Variants in GOLGA2 observed in about 807,000 individuals in gnomAD.
The protein encoded by GOLGA2 is golgin subfamily A member 2.
Under a neutral mutation model 148.8 loss-of-function variants are expected in GOLGA2, and 49 were observed. That is an observed-to-expected ratio of 0.33 (90% confidence interval 0.26 to 0.42). GOLGA2 has a LOEUF of 0.42. Among genes scored for constraint, GOLGA2 ranks in the 10% least tolerant of loss-of-function variants. The pLI is 1.00. For synonymous variants in GOLGA2, 501 were observed against 511.8 expected (o/e 0.98, Z 0.28); for missense variants, 1,178 against 1,304.6 (o/e 0.90, Z 1.49).
chr9:128,275,893 C>A lies in GOLGA2; in HGVS notation c.84G>T (p.Lys28Asn). The change falls in exon 1 of 27, where the codon AAG (lysine) becomes AAT (asparagine). Residue 28 changes from lysine to asparagine, a missense_variant and splice_region_variant. Transcript: ENST00000611957. ...RQSKLAAAKK[K>N]LREYQQRNSP... ...GGGGCCGCGACCCGGTGCACTTTACCTTTTTCTTCGCTGCGGCCAATTTGC... is the reference window on the plus strand; with the variant it reads ...GGGGCCGCGACCCGGTGCACTTTACATTTTTCTTCGCTGCGGCCAATTTGC... 6.4e-7 allele frequency: 1 copy of A among 1,552,318 alleles called. No homozygotes were observed. Among genetic ancestry groups the A allele is most frequent in the Non-Finnish European group, 8.7e-7 (1 of 1,143,248 alleles).
rs548779496 is a variant in GOLGA2, at chr9:128,262,252, G to A, written c.1134+311C>T. On this transcript the variant is annotated intron_variant, in intron 14 of 26. Transcript: ENST00000611957. ...AAAGTGTTGGCTTGAACCTCAGAAGGAAATAAACAGACTCATGAGCTAGCC... is the reference window on the plus strand; with the variant it reads ...AAAGTGTTGGCTTGAACCTCAGAAGAAAATAAACAGACTCATGAGCTAGCC... 4.6e-5 allele frequency among the ~76,000 whole-genome samples: 7 copies of A among 150,970 alleles called. No individual in the cohort carries two copies. The South Asian group carries it at 1.0e-3, about 23-fold the overall frequency.
At position 128,260,268 on chromosome 9, in the gene GOLGA2, A is replaced by T; in HGVS notation, c.1759-79T>A. The T allele has an allele frequency of 8.0e-7, 1 of 1,253,626 alleles. No individual in the cohort carries two copies. The highest frequency in any genetic ancestry group is 1.2e-6 in the Non-Finnish European group (1 of 863,830). The allele number at this position is 1,253,626 out of a possible 1,614,324, so 77.7% of individuals were successfully genotyped here. A position where few individuals can be genotyped will look rare whatever the true frequency, so the allele number is the denominator to read the frequency against. ...CTTGCTGCCTTGGTGTCTGCCTCCCATGGCACCGGGAAGGGTGGAGGCAGG... is the reference window on the plus strand; with the variant it reads ...CTTGCTGCCTTGGTGTCTGCCTCCCTTGGCACCGGGAAGGGTGGAGGCAGG... On this transcript the variant is annotated intron_variant, in intron 18 of 26. Transcript: ENST00000611957. This position sits in a 1 kb window ranked among gnomAD's most constrained non-coding sequence, Gnocchi z 4.8.
At chr9:128,263,549 C>T (rs1830404659) in intron 12 of GOLGA2, among the ~76,000 whole-genome samples, 1 of 152,108 alleles carries the variant, frequency 6.6e-6, no homozygotes, top group South Asian at 2.1e-4. Context: ...TCCTAAGTAG[C>T]TGGGACTACA....
Position 128,257,227 on chromosome 9 carries a change from C to G in GOLGA2, c.2930G>C (p.Arg977Thr). ...GGGGTTGTCACGGGGAGAACCCTCC[C>G]TGGCCTCTCCTTGGGCAGGCTCCAC... ...GSVEPAQGEA[R>T]EGSPRDNPTA... is the part of the protein sequence containing the mutation. Residue 977 changes from arginine (R) to threonine (T), a missense_variant, in exon 27 of 27, where the codon AGG (arginine) becomes ACG (threonine). Physicochemically the swap from Arg to Thr is moderately conservative, Grantham distance 71 (BLOSUM62 -1). This residue lies in a region of GOLGA2 where 149 missense variants were observed against 154.9 expected (regional missense o/e 0.96). Coordinates refer to ENST00000611957, the MANE Select transcript of GOLGA2 (RefSeq NM_001366244.2). This position sits in a 1 kb window ranked among gnomAD's most constrained non-coding sequence, Gnocchi z 8.0. 6.2e-7 allele frequency: 1 copy of G among 1,613,794 alleles called. No homozygotes were observed. Among genetic ancestry groups the G allele is most frequent in the South Asian group, 1.1e-5 (1 of 91,068 alleles).
At position 128,266,175 on chromosome 9, in the gene GOLGA2, G is replaced by A. The variant is rs947589145; in HGVS notation, c.681+112C>T. ...TGGGGATGGGGTGGAATCTGGGGGG[G>A]TGAGCCTTCTTCCCCAGGCTGGGAG... On this transcript the variant is annotated intron_variant, in intron 9 of 26. Transcript: ENST00000611957. The surrounding 1 kb of genome is among the most constrained non-coding windows in gnomAD (Gnocchi z 4.2). 26 of 1,366,920 alleles carry A rather than the reference G, an allele frequency of 1.9e-5. No individual in the cohort carries two copies. The highest frequency in any genetic ancestry group is 2.4e-5 in the Non-Finnish European group (23 of 955,944). The allele number at this position is 1,366,920 out of a possible 1,614,324, so 84.7% of individuals were successfully genotyped here.
In GOLGA2 at chr9:128,257,875, G is replaced by A. The variant is rs1829988049; in HGVS notation, c.2526C>T (p.Leu842=). 1.9e-5 allele frequency: 31 copies of A among 1,614,032 alleles called. No homozygotes were observed. Among genetic ancestry groups the A allele is most frequent in the Non-Finnish European group, 2.5e-5 (30 of 1,179,922 alleles). Residue 842 remains leucine, a synonymous_variant, in exon 24 of 27, where the codon CTC becomes CTT. Transcript: ENST00000611957. This position sits in a 1 kb window ranked among gnomAD's most constrained non-coding sequence, Gnocchi z 8.0. ...MEKLQSRFME[L]MQEKADLKER... is the part of the protein sequence containing the mutation. ...CCTTCAGGTCTGCCTTCTCCTGCAT[G>A]AGCTCCATAAAGCGGCTCTGGAACC...
intron 19 of GOLGA2, among the ~76,000 whole-genome samples, chr9:128,259,825 C>T (rs115570177): frequency 0.02 from 3,075 of 152,292 alleles, 76 homozygotes; most frequent in African/African-American, 0.07. Context: ...CCTCTTATGC[C>T]GCTGTCTCTT....
intron 1 of GOLGA2, chr9:128,275,633 G>C: frequency 2.9e-6 from 2 of 698,802 alleles, no homozygotes; most frequent in Non-Finnish European, 4.5e-6. Context: ...GGACTTCGGG[G>C]GGCAGGAGGT....
In GOLGA2 at chr9:128,263,039, C is replaced by G; in HGVS notation, c.987G>C (p.Lys329Asn). The G allele has an allele frequency of 5.0e-6, 8 of 1,604,762 alleles. No individual in the cohort carries two copies. Among genetic ancestry groups the G allele is most frequent in the Non-Finnish European group, 6.8e-6 (8 of 1,172,056 alleles). Reference protein sequence around the residue: ...ERDALRLELYKNTQSNEDLKQ... With the variant: ...ERDALRLELYNNTQSNEDLKQ... ...CCCACCATCCCCCATCCTACGTGTT[C>G]TTGTATAACTCCAGCCTGAGGGCGT... is the stretch of plus-strand genomic sequence containing the variant. Residue 329 changes from lysine (K) to asparagine (N), a missense_variant, in exon 13 of 27, where the codon AAG becomes AAC. By Grantham distance (94) the Lys-to-Asn change is moderately conservative. Coordinates refer to ENST00000611957, the MANE Select transcript of GOLGA2 (RefSeq NM_001366244.2).
chr9:128,274,214 G>A (rs1831156509), intron 1 of GOLGA2, among the ~76,000 whole-genome samples: 2 of 152,204 alleles, frequency 1.3e-5, no homozygotes, highest in Non-Finnish European at 2.9e-5. Flanking sequence ...CCACAAATCA[G>A]CAGCTGCCAG....
At position 128,260,866 on chromosome 9, in the gene GOLGA2, A is replaced by G. The variant is rs1175462455; in HGVS notation, c.1421-64T>C. ...CAAAAAAACCCTCCTCTTGGTCCAT[A>G]CCTCCTCTCAAGCTCCCCAAACTTG... On this transcript the variant is annotated intron_variant, in intron 17 of 26. Transcript: ENST00000611957. The surrounding 1 kb of genome is among the most constrained non-coding windows in gnomAD (Gnocchi z 4.8). The G allele has an allele frequency of 8.8e-7, 1 of 1,137,604 alleles. No individual in the cohort carries two copies. The allele number at this position is 1,137,604 out of a possible 1,614,324, so 70.5% of individuals were successfully genotyped here.
chr9:128,257,802 T>C lies in GOLGA2; in HGVS notation c.2599A>G (p.Thr867Ala). The C allele has an allele frequency of 6.2e-7, 1 of 1,613,988 alleles. No individual in the cohort carries two copies. The highest frequency in any genetic ancestry group is 8.5e-7 in the Non-Finnish European group (1 of 1,179,836). ...EHRCIQLSGE[T>A]DTIGEYIALY... ...GCCTCCCACTCACCAATGGTGTCTG[T>C]CTCTCCAGAAAGCTGGATGCAGCGA... is the stretch of plus-strand genomic sequence containing the variant. The change falls in exon 24 of 27, where the codon ACA becomes GCA. Residue 867 changes from threonine (T) to alanine (A), a missense_variant. Thr to Ala is a moderately conservative substitution (Grantham distance 58). Transcript: ENST00000611957. This position sits in a 1 kb window ranked among gnomAD's most constrained non-coding sequence, Gnocchi z 8.0.
Position 128,268,442 on chromosome 9 carries a change from A to G in GOLGA2, c.371T>C (p.Leu124Pro). ...AACCTGAGATGCCGCCATGCTAGTG[A>G]GACTGGCACCAGGGGAAGGGACACC... ...PGGVPSPGAS[L>P]TSMAASQNHD... Residue 124 changes from leucine (L) to proline (P), a missense_variant, in exon 4 of 27, where the codon CTC becomes CCC. Coordinates refer to ENST00000611957, the MANE Select transcript of GOLGA2 (RefSeq NM_001366244.2). 1 of 1,605,594 alleles carries G rather than the reference A, an allele frequency of 6.2e-7. No homozygotes were observed. The highest frequency in any genetic ancestry group is 8.5e-7 in the Non-Finnish European group (1 of 1,172,754).
Position 128,257,381 on chromosome 9 carries a change from TG to T in GOLGA2, c.2862del (p.Asn955ThrfsTer9), listed in dbSNP as rs1343352652. On this transcript the variant is annotated frameshift_variant, in exon 26 of 27. Coordinates refer to ENST00000611957, the MANE Select transcript of GOLGA2 (RefSeq NM_001366244.2). LOFTEE classifies it high-confidence loss of function. The surrounding 1 kb of genome is among the most constrained non-coding windows in gnomAD (Gnocchi z 8.0). Reference protein sequence around the residue: ...GAPAPQELGAANQQGDLCEVS... With the variant: ...GAPAPQELGAXNQQGDLCEVS... ...GGGCTCTACTCACCACCCTGCTGGT[TG>T]GCAGCCCCAAGTTCCTGGGGGGCTG... The T allele has an allele frequency of 6.2e-7, 1 of 1,613,090 alleles. No individual in the cohort carries two copies. Among genetic ancestry groups the T allele is most frequent in the African/African-American group, 1.3e-5 (1 of 75,010 alleles).
rs780387743 is a variant in GOLGA2 at position 128,273,859 on chromosome 9, T to A, written c.198A>T (p.Ser66=). ...GCCATCCAAGACTCACATCCTCAGG[T>A]GAGTGGCAACCACCAGAAGTGGTTG... The part of the protein sequence containing the change: ...PETTTSGGCH[S]PEDIQDILKV... The change falls in exon 2 of 27, where the codon TCA becomes TCT. Residue 66 remains serine, a synonymous_variant. Coordinates refer to ENST00000611957, the MANE Select transcript of GOLGA2 (RefSeq NM_001366244.2). 5.9e-5 allele frequency: 96 copies of A among 1,613,958 alleles called. No homozygotes were observed. The highest frequency in any genetic ancestry group is 7.1e-5 in the Non-Finnish European group (84 of 1,179,970).
Position 128,268,413 on chromosome 9 carries a change from C to A in GOLGA2, c.393+7G>T. 2 of 1,518,782 alleles carry A rather than the reference C, an allele frequency of 1.3e-6. No individual in the cohort carries two copies. The highest frequency in any genetic ancestry group is 1.8e-6 in the Non-Finnish European group (2 of 1,093,684). The allele number at this position is 1,518,782 out of a possible 1,614,324, so 94.1% of individuals were successfully genotyped here. On this transcript the variant is annotated splice_region_variant and intron_variant, in intron 4 of 26. Coordinates refer to ENST00000611957, the MANE Select transcript of GOLGA2 (RefSeq NM_001366244.2). ...GGGCAGTGGGCAGAGGGGGAGGAGG[C>A]ACGAACCTGAGATGCCGCCATGCTA...
Position 128,256,539 on chromosome 9 carries a change from CT to C in GOLGA2, c.*527del, listed in dbSNP as rs1162778130. ...ATTTTTTTTTTTTTTGAGACAGAGT[CT>C]CACTCTGTCGCCCAGGCTGGAGTGC... On this transcript the variant is annotated 3_prime_UTR_variant, in exon 27 of 27. Coordinates refer to ENST00000611957, the MANE Select transcript of GOLGA2 (RefSeq NM_001366244.2). The C allele has an allele frequency of 6.7e-6, 1 of 149,132 alleles. No homozygotes were observed. Among genetic ancestry groups the C allele is most frequent in the Non-Finnish European group, 1.5e-5 (1 of 67,756 alleles). The allele number at this position is 149,132 out of a possible 1,614,324, so 9.2% of individuals were successfully genotyped here.
intron 6 of GOLGA2, 36 bp downstream of exon 6, chr9:128,267,898 C>G: frequency 6.6e-7 from 1 of 1,508,502 alleles, no homozygotes; most frequent in Non-Finnish European, 9.2e-7. Context: ...AGTTCCCTTC[C>G]CCCCACCCCG....
At chr9:128,269,454 G>A (rs889871692) in intron 3 of GOLGA2, among the ~76,000 whole-genome samples, 1 of 152,124 alleles carries the variant, frequency 6.6e-6, no homozygotes, top group Admixed American at 6.6e-5. Flanking sequence ...GTGGCTCTTG[G>A]CAACTTGGAA....
Sources: gnomAD v4.1 joint callset for allele counts (sites outside exome capture counted in the v4.1 genomes callset) on GRCh38, gnomAD v4.1.1 for gene constraint, gnomAD v4.1.1 regional missense constraint, Gnocchi (gnomAD v3.1) non-coding constraint, MANE v1.5 for transcripts, NCBI Gene and HGNC (gene_info 2026-07-23, HGNC 2026-07-21) for gene names.